Variants in RNF182 observed in about 807,000 individuals in gnomAD.
RNF182 encodes the protein E3 ubiquitin-protein ligase RNF182.
A neutral mutation model predicts 14.4 loss-of-function variants in RNF182; 15 were observed. The ratio of observed to expected loss-of-function variants is 1.04; its 90% CI spans 0.70 to 1.60. The LOEUF is 1.60. Ranked by LOEUF, RNF182 falls within the 40% of genes most tolerant of loss-of-function variation. The pLI, the probability that RNF182 is intolerant of heterozygous loss-of-function variation, is 0.00. For missense variants in RNF182, 268 were observed against 294.8 expected (o/e 0.91, Z 0.67); for synonymous variants, 128 against 122.9 (o/e 1.04, Z -0.27).
chr6:13,925,481 GC>G (rs1758801694), intron 1 of RNF182: 1 of 152,206 alleles, frequency 6.6e-6, no homozygotes. Context: ...TGAAAAGTGA[GC>G]CCATTTTTAT....
At chr6:13,933,740 A>G (rs1759034381) in intron 1 of RNF182, among the ~76,000 whole-genome samples, 3 of 152,184 alleles carry the variant, frequency 2.0e-5, no homozygotes, top group Admixed American at 2.0e-4. Context: ...AAGTGAGGCC[A>G]GGCATGGTGG....
In RNF182 at chr6:13,979,161, C is replaced by T. The variant is rs949107809; in HGVS notation, c.*1298C>T. The T allele has an allele frequency of 6.0e-6, 1 of 166,970 alleles. No individual in the cohort carries two copies. Among genetic ancestry groups the T allele is most frequent in the Non-Finnish European group, 1.5e-5 (1 of 68,104 alleles). The allele number at this position is 166,970 out of a possible 1,614,324, so 10.3% of individuals were successfully genotyped here. A position where few individuals can be genotyped will look rare whatever the true frequency, so the allele number is the denominator to read the frequency against. On this transcript the variant is annotated 3_prime_UTR_variant, in exon 3 of 3. Coordinates refer to ENST00000488300, the MANE Select transcript of RNF182 (RefSeq NM_152737.4). ...AATTTATTTTGAATACAAGCATAAT[C>T]TAGGTGATTTGAGTTAATGAACTTC...
intron 1 of RNF182, among the ~76,000 whole-genome samples, chr6:13,967,572 T>C (rs1453172498): frequency 6.6e-6 from 1 of 152,200 alleles, no homozygotes; most frequent in East Asian, 1.9e-4. Flanking sequence ...TAGAAAAATA[T>C]ACTTTACCAC....
intron 1 of RNF182, among the ~76,000 whole-genome samples, chr6:13,958,863 T>G (rs1324712400): frequency 6.6e-6 from 1 of 152,198 alleles, no homozygotes; most frequent in African/African-American, 2.4e-5. Flanking sequence ...GACCTCATGT[T>G]GAAATTTGAC....
At chr6:13,975,078 G>A (rs1760290919) in intron 2 of RNF182, among the ~76,000 whole-genome samples, 1 of 152,148 alleles carries the variant, frequency 6.6e-6, no homozygotes, top group East Asian at 1.9e-4. Flanking sequence ...TGCTCAGCAG[G>A]GAATGAATGG....
intron 1 of RNF182, among the ~76,000 whole-genome samples, chr6:13,932,054 C>T (rs1032851198): frequency 6.6e-6 from 1 of 152,192 alleles, no homozygotes; most frequent in African/African-American, 2.4e-5. Flanking sequence ...TTGGACTTCC[C>T]AGTTCCCAGA....
At chr6:13,937,228 A>T (rs1490699884) in intron 1 of RNF182, among the ~76,000 whole-genome samples, 1 of 152,224 alleles carries the variant, frequency 6.6e-6, no homozygotes, top group Non-Finnish European at 1.5e-5. Context: ...TATAGCTTTT[A>T]TGCATTTTCA....
chr6:13,971,191 G>A (rs916322647), intron 1 of RNF182, among the ~76,000 whole-genome samples: 3 of 152,088 alleles, frequency 2.0e-5, no homozygotes, highest in Non-Finnish European at 4.4e-5. Flanking sequence ...CACATCAAGG[G>A]TGGAGCCAGG....
At chr6:13,928,298 T>C (rs539552991) in intron 1 of RNF182, among the ~76,000 whole-genome samples, 2 of 152,316 alleles carry the variant, frequency 1.3e-5, no homozygotes, top group South Asian at 4.1e-4. Context: ...GAGTATGGTT[T>C]TGGACATCAG....
At chr6:13,958,335 G>A (rs554153125) in intron 1 of RNF182, among the ~76,000 whole-genome samples, 7 of 152,088 alleles carry the variant, frequency 4.6e-5, no homozygotes, top group Admixed American at 1.3e-4. Context: ...GCAGTGAGCC[G>A]AGATTGCACC....
rs768391159 is a variant in RNF182, at chr6:13,949,233, T to C, written c.-367+24210T>C. 2.7e-5 allele frequency: 21 copies of C among 792,240 alleles called. 1 individual carries two copies. Among genetic ancestry groups the C allele is most frequent in the Middle Eastern group, 2.4e-4 (1 of 4,098 alleles). 49.1% of individuals were successfully genotyped at this position (792,240 alleles called of 1,614,324 possible). A position where few individuals can be genotyped will look rare whatever the true frequency, so the allele number is the denominator to read the frequency against. ...ATTTCTGCATTGTCCACTGGACGTT[T>C]TAGTCATATTCAGACACCAGTTGTT... is the stretch of plus-strand genomic sequence containing the variant. On this transcript the variant is annotated intron_variant, in intron 1 of 2. Transcript: ENST00000488300.
At chr6:13,925,057 CGG>C (rs1561771812) in intron 1 of RNF182, 34 bp downstream of exon 1, 36 of 147,810 alleles carry the variant, frequency 2.4e-4, no homozygotes, top group South Asian at 5.7e-4. Flanking sequence ...GGGGAGGGGT[CGG>C]CGGGACGCCG....
intron 1 of RNF182, among the ~76,000 whole-genome samples, chr6:13,953,015 GTTAC>G (rs1181071871): frequency 2.0e-5 from 3 of 152,226 alleles, no homozygotes; most frequent in African/African-American, 7.2e-5. Flanking sequence ...GAGATGGAAT[GTTAC>G]TGCAAAACTT....
In RNF182 at chr6:13,924,998, C is replaced by A. The variant is rs1220369701; in HGVS notation, c.-392C>A. The stretch of plus-strand genomic sequence containing the variant: ...GGCGCCGCCGCAGCCGGAGCGGCTC[C>A]CGGGCCCTGGGCCGCCGCCGGCCAG... On this transcript the variant is annotated 5_prime_UTR_variant, in exon 1 of 3. Coordinates refer to ENST00000488300, the MANE Select transcript of RNF182 (RefSeq NM_152737.4). 6.5e-5 allele frequency: 1 copy of A among 15,470 alleles called. No individual in the cohort carries two copies. Among genetic ancestry groups the A allele is most frequent in the East Asian group, 2.2e-3 (1 of 448 alleles). 1.0% of individuals were successfully genotyped at this position (15,470 alleles called of 1,614,324 possible).
Position 13,962,991 on chromosome 6 carries a change from T to G in RNF182, c.-366-11219T>G, listed in dbSNP as rs144696041. ...TGTTTTTTGTTTTGTTTTTTTGAGC[T>G]CTACTTATTTTGACTTTTTTTGTCC... On this transcript the variant is annotated intron_variant, in intron 1 of 2. Transcript: ENST00000488300. Among the ~76,000 whole-genome samples the G allele has an allele frequency of 2.2e-3, 333 of 152,290 alleles. 4 individuals are homozygous for G. The East Asian group carries it at 0.039, about 18-fold the overall frequency.
chr6:13,960,643 G>A (rs1447536507), intron 1 of RNF182, among the ~76,000 whole-genome samples: 1 of 130,748 alleles, frequency 7.6e-6, no homozygotes, highest in Non-Finnish European at 1.6e-5. Flanking sequence ...TTTTTTGATG[G>A]AGGGAGAGAG....
chr6:13,961,838 A>G (rs557037977), intron 1 of RNF182, among the ~76,000 whole-genome samples: 1 of 152,300 alleles, frequency 6.6e-6, no homozygotes, highest in East Asian at 1.9e-4. Context: ...TTATGCTGCC[A>G]AACAACCATT....
chr6:13,977,928 T>C lies in RNF182; in HGVS notation c.*65T>C. ...TTTGAGTGTGAAGTTAGATAATTTA[T>C]AATTTATTTTCTTTTATGTTCTTTA... On this transcript the variant is annotated 3_prime_UTR_variant, in exon 3 of 3. Transcript: ENST00000488300. The C allele has an allele frequency of 6.9e-7, 1 of 1,451,912 alleles. No homozygotes were observed. Among genetic ancestry groups the C allele is most frequent in the East Asian group, 2.3e-5 (1 of 43,618 alleles). The allele number at this position is 1,451,912 out of a possible 1,614,324, so 89.9% of individuals were successfully genotyped here. A position where few individuals can be genotyped will look rare whatever the true frequency, so the allele number is the denominator to read the frequency against.
In RNF182 at chr6:13,977,619, A is replaced by T; in HGVS notation, c.500A>T (p.Asn167Ile). The T allele has an allele frequency of 6.2e-7, 1 of 1,614,194 alleles. No homozygotes were observed. The highest frequency in any genetic ancestry group is 1.3e-5 in the African/African-American group (1 of 75,062). ...GACTCTGTCACCACTGTGTCACACA[A>T]CTGGACTGTGTGGAACTGCACGTCC... ...SFDSVTTVSH[N>I]WTVWNCTSLL... Residue 167 changes from asparagine (N) to isoleucine (I), a missense_variant, in exon 3 of 3, where the codon AAC becomes ATC. Coordinates refer to ENST00000488300, the MANE Select transcript of RNF182 (RefSeq NM_152737.4).
Sources: allele counts gnomAD v4.1 joint callset (sites outside exome capture counted in the v4.1 genomes callset), GRCh38; gene constraint gnomAD v4.1.1; transcripts MANE v1.5; gene names NCBI Gene and HGNC (gene_info 2026-07-23, HGNC 2026-07-21).